The following MAST2 variants were observed in gnomAD, a reference collection of about 807,000 sequenced individuals.
MAST2 encodes the protein microtubule associated serine/threonine kinase 2.
MAST2 carries 70 observed loss-of-function variants against 147.4 expected under a neutral mutation model. The ratio of observed to expected loss-of-function variants is 0.47; its 90% CI spans 0.39 to 0.58. The LOEUF (loss-of-function observed/expected upper bound fraction) is 0.58. Among genes scored for constraint, MAST2 ranks in the 20% least tolerant of loss-of-function variants. The pLI is 0.00. For missense variants in MAST2, 2,080 were observed against 2,302.3 expected (o/e 0.90, Z 1.98); for synonymous variants, 869 against 896.8 (o/e 0.97, Z 0.55).
At chr1:45,845,043 C>T (rs1385082528) in intron 3 of MAST2, among the ~76,000 whole-genome samples, 2 of 152,110 alleles carry the variant, frequency 1.3e-5, no homozygotes, top group Admixed American at 1.3e-4. Context: ...GACTTAAACA[C>T]CTCTCAAAAG....
At chr1:45,907,625 T>C (rs1313974608) in intron 4 of MAST2, among the ~76,000 whole-genome samples, 5 of 152,200 alleles carry the variant, frequency 3.3e-5, no homozygotes, top group African/African-American at 9.7e-5. Flanking sequence ...TGACATTAAC[T>C]ATATTCACAA....
chr1:46,004,157 G>A lies in MAST2; in HGVS notation c.747+1274G>A, dbSNP rs576500701. On this transcript the variant is annotated intron_variant, in intron 7 of 28. Transcript: ENST00000361297. ...AGGCAGGCTGATCGCAAGGTCAGGAGATCGAGACCATCGTGGCTAACATGG... is the reference window on the plus strand; with the variant it reads ...AGGCAGGCTGATCGCAAGGTCAGGAAATCGAGACCATCGTGGCTAACATGG... Among the ~76,000 whole-genome samples, 4 of 152,146 alleles carry A rather than the reference G, an allele frequency of 2.6e-5. No homozygotes were observed. In the East Asian group the frequency reaches 7.7e-4, roughly 29 times the overall value.
chr1:45,895,081 T>C (rs1648518162), intron 4 of MAST2, among the ~76,000 whole-genome samples: 1 of 152,210 alleles, frequency 6.6e-6, no homozygotes, highest in Non-Finnish European at 1.5e-5. Flanking sequence ...TTCCACATCT[T>C]GGCCTCAGGC....
intron 6 of MAST2, among the ~76,000 whole-genome samples, chr1:46,001,391 A>G (rs1253958625): frequency 6.6e-6 from 1 of 152,220 alleles, no homozygotes; most frequent in Non-Finnish European, 1.5e-5. Context: ...TTTCATTTCT[A>G]TCTAAGGGGA....
chr1:45,900,444 A>ATT (rs1557883752), intron 4 of MAST2, among the ~76,000 whole-genome samples: 240 of 14,876 alleles, frequency 0.016, 46 homozygotes, highest in Non-Finnish European at 0.02. Flanking sequence ...GTGATGTTGG[A>ATT]TATTTTTTTT....
chr1:46,032,374 C>T lies in MAST2; in HGVS notation c.3384C>T (p.Ser1128=), dbSNP rs757240437. 1.1e-5 allele frequency: 17 copies of T among 1,614,120 alleles called. No individual in the cohort carries two copies. The East Asian group carries it at 1.8e-4, about 17-fold the overall frequency. Residue 1128 remains serine, a synonymous_variant, in exon 25 of 29, where the codon TCC becomes TCT. Transcript: ENST00000361297. Reference sequence around the variant, plus strand: ...CCATTCGCGTCTACATGGGTGACTCCGATGTCTACACCGTGCACCATATGG... The same window carrying T: ...CCATTCGCGTCTACATGGGTGACTCTGATGTCTACACCGTGCACCATATGG... ...LRAIRVYMGD[S]DVYTVHHMVW...
chr1:45,984,541 T>C (rs934957811), intron 5 of MAST2, among the ~76,000 whole-genome samples: 3 of 152,014 alleles, frequency 2.0e-5, no homozygotes, highest in African/African-American at 7.3e-5. Flanking sequence ...ACTCTTGGCC[T>C]CAAGTGATCC....
intron 5 of MAST2, among the ~76,000 whole-genome samples, chr1:45,995,081 C>T (rs930257794): frequency 6.6e-6 from 1 of 152,078 alleles, no homozygotes; most frequent in African/African-American, 2.4e-5. Context: ...GCCTCGTGAT[C>T]CGCCCACCTC....
chr1:45,820,216 G>T (rs1644579580), intron 1 of MAST2, among the ~76,000 whole-genome samples: 1 of 152,104 alleles, frequency 6.6e-6, no homozygotes, highest in South Asian at 2.1e-4. Context: ...ATGTATTAAA[G>T]ATTTAAATCT....
At chr1:46,029,782 C>T (rs1268169979) in intron 19 of MAST2, 49 bp from the exon 20 acceptor site, 4 of 1,605,738 alleles carry the variant, frequency 2.5e-6, no homozygotes, top group African/African-American at 2.7e-5. Flanking sequence ...CTGACCTAGA[C>T]TCCATGCTGC....
chr1:45,947,545 C>G (rs1012841942), intron 4 of MAST2, among the ~76,000 whole-genome samples: 9 of 151,902 alleles, frequency 5.9e-5, no homozygotes, highest in Admixed American at 5.9e-4. Flanking sequence ...CTGAGGGACC[C>G]AAATCAGAGA....
In MAST2 at chr1:45,895,972, C is replaced by T. The variant is rs116229944; in HGVS notation, c.500+13577C>T. On this transcript the variant is annotated intron_variant, in intron 4 of 28. Transcript: ENST00000361297. ...AATTGTTATTTGTAATCAATAATTT[C>T]TTGTAAATTGTATTCTTTTAATAAC... Among the ~76,000 whole-genome samples, 920 of 151,884 alleles carry T rather than the reference C, an allele frequency of 6.1e-3. 10 individuals carry two copies. Among genetic ancestry groups the T allele is most frequent in the African/African-American group, 0.021 (884 of 41,472 alleles).
intron 4 of MAST2, among the ~76,000 whole-genome samples, chr1:45,956,083 A>G (rs536387587): frequency 2.0e-5 from 3 of 152,180 alleles, no homozygotes; most frequent in South Asian, 2.1e-4. Context: ...AGCATTTTCT[A>G]TAATTTTATA....
chr1:45,972,384 G>C (rs908984178), intron 5 of MAST2, among the ~76,000 whole-genome samples: 1 of 152,192 alleles, frequency 6.6e-6, no homozygotes, highest in Non-Finnish European at 1.5e-5. Flanking sequence ...TCCATACCCA[G>C]AAGAGGGGAA....
chr1:45,929,846 T>TG (rs1248752594), intron 4 of MAST2, among the ~76,000 whole-genome samples: 4 of 152,138 alleles, frequency 2.6e-5, no homozygotes, highest in African/African-American at 9.7e-5. Flanking sequence ...TTACTAGAAC[T>TG]GGGATAGCTG....
At chr1:45,954,709 G>A (rs1659406011) in intron 4 of MAST2, among the ~76,000 whole-genome samples, 1 of 152,186 alleles carries the variant, frequency 6.6e-6, no homozygotes, top group African/African-American at 2.4e-5. Flanking sequence ...GTGGATCTCA[G>A]CTGAGTCATG....
intron 5 of MAST2, among the ~76,000 whole-genome samples, chr1:45,975,253 C>G (rs567773283): frequency 6.6e-6 from 1 of 152,128 alleles, no homozygotes; most frequent in South Asian, 2.1e-4. Flanking sequence ...GTAACCCAAG[C>G]TAGTCATTAA....
intron 4 of MAST2, among the ~76,000 whole-genome samples, chr1:45,937,276 T>C (rs1656344768): frequency 6.6e-6 from 1 of 151,896 alleles, no homozygotes; most frequent in Non-Finnish European, 1.5e-5. Context: ...CATTTTAAAA[T>C]TTTATTTATT....
chr1:45,862,970 A>G (rs531158425), intron 3 of MAST2, among the ~76,000 whole-genome samples: 1 of 152,182 alleles, frequency 6.6e-6, no homozygotes, highest in African/African-American at 2.4e-5. Context: ...ATGTGTCATA[A>G]TTACTTGTTT....
Sources: allele counts gnomAD v4.1 joint callset (sites outside exome capture counted in the v4.1 genomes callset), GRCh38; gene constraint gnomAD v4.1.1; transcripts MANE v1.5; gene names NCBI Gene and HGNC (gene_info 2026-07-23, HGNC 2026-07-21).